Variants in GSPT1 observed in about 807,000 individuals in gnomAD.
GSPT1 encodes eukaryotic peptide chain release factor GTP-binding subunit ERF3A.
A neutral mutation model predicts 72.5 loss-of-function variants in GSPT1; 20 were observed. That is an observed-to-expected ratio of 0.28 (90% CI 0.19 to 0.40). The LOEUF (loss-of-function observed/expected upper bound fraction) is 0.40. Among genes scored for constraint, GSPT1 ranks in the 10% least tolerant of loss-of-function variants. The probability of loss-of-function intolerance (pLI) is 1.00; values close to 1 mark genes in which losing one functional copy is unlikely to be tolerated. For missense variants in GSPT1, 580 were observed against 811.9 expected (o/e 0.71, Z 3.47); for synonymous variants, 334 against 293.5 (o/e 1.14, Z -1.41).
chr16:11,892,515 A>AAAAAT lies in GSPT1; in HGVS notation c.699-1377_699-1376insATTTT, dbSNP rs1567443197. ...CAGGGAGACCCTTTCTCAAAAAAACAAAAAAAACAAAAAAAACAAAAAATA... is the reference window on the plus strand; with the variant it reads ...CAGGGAGACCCTTTCTCAAAAAAACAAAAATAAAAAAACAAAAAAAACAAAAAATA... On this transcript the variant is annotated intron_variant, in intron 5 of 14. Coordinates refer to ENST00000434724, the MANE Select transcript of GSPT1 (RefSeq NM_002094.4). Among the ~76,000 whole-genome samples the AAAAAT allele has an allele frequency of 4.5e-5, 6 of 132,742 alleles. 1 individual carries two copies. The highest frequency in any genetic ancestry group is 1.5e-4 in the African/African-American group (5 of 32,440). The allele number at this position is 132,742 out of a possible 152,430, so 87.1% of individuals were successfully genotyped here. A position where few individuals can be genotyped will look rare whatever the true frequency, so the allele number is the denominator to read the frequency against.
In GSPT1 at chr16:11,871,405, T is replaced by G. The variant is rs1314171572; in HGVS notation, c.*1714A>C. On this transcript the variant is annotated 3_prime_UTR_variant, in exon 15 of 15. Transcript: ENST00000434724. ...CAATAGGGGGAAACCTCGTCTCCAC[T>G]AAAGATACAAAAATTAACTGGGCCT... 1 of 152,082 alleles carries G rather than the reference T, an allele frequency of 6.6e-6. No homozygotes were observed. Among genetic ancestry groups the G allele is most frequent in the Non-Finnish European group, 1.5e-5 (1 of 68,016 alleles). The allele number at this position is 152,082 out of a possible 1,614,324, so 9.4% of individuals were successfully genotyped here.
intron 1 of GSPT1, among the ~76,000 whole-genome samples, chr16:11,910,191 T>C (rs1174734591): frequency 6.6e-6 from 1 of 152,020 alleles, no homozygotes; most frequent in Non-Finnish European, 1.5e-5. Context: ...GAAAAAAAAA[T>C]ACACACAAGG....
intron 5 of GSPT1, among the ~76,000 whole-genome samples, chr16:11,891,410 G>A (rs1567442680): frequency 6.8e-6 from 1 of 146,776 alleles, no homozygotes; most frequent in African/African-American, 2.5e-5. Context: ...TCATCCACCT[G>A]GAGTGCAATG....
chr16:11,870,680 A>C lies in GSPT1; in HGVS notation c.*2439T>G, dbSNP rs1013475851. ...TGTAAGCAGGATTGAAAATGCATCA[A>C]CTTTAAAAAGATGAGAACAATTTTC... is the stretch of plus-strand genomic sequence containing the variant. On this transcript the variant is annotated 3_prime_UTR_variant, in exon 15 of 15. Coordinates refer to ENST00000434724, the MANE Select transcript of GSPT1 (RefSeq NM_002094.4). 3 of 152,242 alleles carry C rather than the reference A, an allele frequency of 2.0e-5. No individual in the cohort carries two copies. Among genetic ancestry groups the C allele is most frequent in the Non-Finnish European group, 4.4e-5 (3 of 68,036 alleles). The allele number at this position is 152,242 out of a possible 1,614,324, so 9.4% of individuals were successfully genotyped here.
At chr16:11,881,457 T>C (rs1326603263) in intron 11 of GSPT1, 1 of 152,114 alleles carries the variant, frequency 6.6e-6, no homozygotes, top group Non-Finnish European at 1.5e-5. Flanking sequence ...ATATAAGTAA[T>C]AACATTCAAC....
intron 5 of GSPT1, among the ~76,000 whole-genome samples, chr16:11,894,348 G>T (rs1427184955): frequency 6.6e-6 from 1 of 151,878 alleles, no homozygotes; most frequent in Non-Finnish European, 1.5e-5. Flanking sequence ...GCCAGCCACG[G>T]TCATTTCATA....
intron 1 of GSPT1, among the ~76,000 whole-genome samples, chr16:11,898,438 GC>G (rs1481618655): frequency 3.6e-5 from 5 of 137,064 alleles, no homozygotes; most frequent in Admixed American, 2.4e-4. Context: ...GCTGTGATTA[GC>G]CCTTTTTTTT....
chr16:11,892,622 T>A (rs1164745554), intron 5 of GSPT1, among the ~76,000 whole-genome samples: 5 of 142,560 alleles, frequency 3.5e-5, no homozygotes, highest in South Asian at 2.2e-4. Context: ...AGGTCAGGAG[T>A]TCAAGACCAG....
chr16:11,892,528 A>AAAAAAT (rs2054278883), intron 5 of GSPT1, among the ~76,000 whole-genome samples: 1 of 147,868 alleles, frequency 6.8e-6, no homozygotes, highest in Non-Finnish European at 1.5e-5. Flanking sequence ...AAAAACAAAA[A>AAAAAAT]AAACAAAAAA....
At chr16:11,899,794 G>T (rs1401819146) in intron 1 of GSPT1, among the ~76,000 whole-genome samples, 1 of 152,110 alleles carries the variant, frequency 6.6e-6, no homozygotes, top group Non-Finnish European at 1.5e-5. Context: ...ACTGCATGGG[G>T]TACTTCTCAG....
At position 11,885,291 on chromosome 16, in the gene GSPT1, A is replaced by G; in HGVS notation, c.1254-17T>C. 8.3e-7 allele frequency: 1 copy of G among 1,198,638 alleles called. No individual in the cohort carries two copies. The highest frequency in any genetic ancestry group is 1.2e-5 in the South Asian group (1 of 81,694). 74.3% of individuals were successfully genotyped at this position (1,198,638 alleles called of 1,614,324 possible). ...GGTAATCCACTGAGAACATAACAAC[A>G]AAGCCATTAAAGGAAGTCAACATAA... On this transcript the variant is annotated splice_polypyrimidine_tract_variant and intron_variant, in intron 9 of 14. Transcript: ENST00000434724.
intron 1 of GSPT1, among the ~76,000 whole-genome samples, chr16:11,906,737 T>C (rs897416834): frequency 6.6e-5 from 10 of 152,178 alleles, no homozygotes; most frequent in Non-Finnish European, 1.3e-4. Context: ...GCAAGATTCA[T>C]TTAACTCAGA....
chr16:11,906,108 G>A (rs981367966), intron 1 of GSPT1, among the ~76,000 whole-genome samples: 13 of 151,844 alleles, frequency 8.6e-5, no homozygotes, highest in Admixed American at 8.5e-4. Flanking sequence ...TTGAAATGGA[G>A]TCTCACTCTG....
In GSPT1 at chr16:11,868,299, T is replaced by G. The variant is rs1175139142; in HGVS notation, c.*4820A>C. The G allele has an allele frequency of 6.6e-6, 1 of 151,998 alleles. No homozygotes were observed. The highest frequency in any genetic ancestry group is 1.5e-5 in the Non-Finnish European group (1 of 68,018). The allele number at this position is 151,998 out of a possible 1,614,324, so 9.4% of individuals were successfully genotyped here. The stretch of plus-strand genomic sequence containing the variant: ...GCTTTCTTTCCTACCTAGAGCACTC[T>G]TCCATGCTTTGGAATTAGGCTAAAA... On this transcript the variant is annotated 3_prime_UTR_variant, in exon 15 of 15. Coordinates refer to ENST00000434724, the MANE Select transcript of GSPT1 (RefSeq NM_002094.4).
rs143473702 is a variant in GSPT1 at position 11,884,931 on chromosome 16, G to A, written c.1347+250C>T. On this transcript the variant is annotated intron_variant, in intron 10 of 14. Transcript: ENST00000434724. ...AAAATATAAAAAATTAGCTGGGCGT[G>A]GTGGCGGGAGCCTGTAGTCCTAGCT... Among the ~76,000 whole-genome samples, 198 of 151,860 alleles carry A rather than the reference G, an allele frequency of 1.3e-3. 2 individuals are homozygous for A. Among genetic ancestry groups the A allele is most frequent in the African/African-American group, 4.5e-3 (186 of 41,428 alleles).
At chr16:11,897,477 C>G (rs2141303239) in intron 3 of GSPT1, among the ~76,000 whole-genome samples, 1 of 152,222 alleles carries the variant, frequency 6.6e-6, no homozygotes, top group East Asian at 1.9e-4. Flanking sequence ...CCCAGCTACT[C>G]AAGAAGCTGA....
At position 11,907,729 on chromosome 16, in the gene GSPT1, G is replaced by T. The variant is rs2054506760; in HGVS notation, c.352+7640C>A. Among the ~76,000 whole-genome samples the T allele has an allele frequency of 3.3e-5, 5 of 152,166 alleles. No homozygotes were observed. The South Asian group carries it at 1.0e-3, about 32-fold the overall frequency. Reference sequence around the variant, plus strand: ...GTGAGTGACCTTAGGCATTTACTTAGCATTTCTAAGGCTCCAGTTCCTTTA... The same window carrying T: ...GTGAGTGACCTTAGGCATTTACTTATCATTTCTAAGGCTCCAGTTCCTTTA... On this transcript the variant is annotated intron_variant, in intron 1 of 14. Transcript: ENST00000434724.
At chr16:11,876,700 G>A (rs778599801) in intron 12 of GSPT1, among the ~76,000 whole-genome samples, 2 of 152,080 alleles carry the variant, frequency 1.3e-5, no homozygotes, top group African/African-American at 4.8e-5. Flanking sequence ...CCAAGATCGC[G>A]CCACTGCACT....
At position 11,895,018 on chromosome 16, in the gene GSPT1, G is replaced by A. The variant is rs755510738; in HGVS notation, c.665-31C>T. 10 of 1,528,692 alleles carry A rather than the reference G, an allele frequency of 6.5e-6. No homozygotes were observed. The East Asian group carries it at 6.8e-5, about 10-fold the overall frequency. 94.7% of individuals were successfully genotyped at this position (1,528,692 alleles called of 1,614,324 possible). A position where few individuals can be genotyped will look rare whatever the true frequency, so the allele number is the denominator to read the frequency against. ...AGTAACATCAACATGCAAACCATAG[G>A]TTAAAACCAAAAACCAATGGCTAAA... On this transcript the variant is annotated intron_variant, in intron 4 of 14. Coordinates refer to ENST00000434724, the MANE Select transcript of GSPT1 (RefSeq NM_002094.4).
Sources: allele counts gnomAD v4.1 joint callset (sites outside exome capture counted in the v4.1 genomes callset), GRCh38; gene constraint gnomAD v4.1.1; transcripts MANE v1.5; gene names NCBI Gene and HGNC (gene_info 2026-07-23, HGNC 2026-07-21).